The following NELL2 variants were observed in gnomAD, a reference collection of about 807,000 sequenced individuals.
NELL2 encodes protein kinase C-binding protein NELL2.
In NELL2, 41 loss-of-function variants were observed where a neutral mutation model predicts 109.6. That is an observed-to-expected ratio of 0.37 (90% CI 0.29 to 0.49). The LOEUF is 0.49. Ranked by LOEUF, NELL2 falls within the 20% of genes least tolerant of loss-of-function variation. The pLI, the probability that NELL2 is intolerant of heterozygous loss-of-function variation, is 0.98. For missense variants in NELL2, 900 were observed against 1,008.3 expected (o/e 0.89, Z 1.45); for synonymous variants, 355 against 344.7 (o/e 1.03, Z -0.33).
At chr12:44,752,662 A>G (rs1400408708) in intron 9 of NELL2, among the ~76,000 whole-genome samples, 1 of 152,188 alleles carries the variant, frequency 6.6e-6, no homozygotes, top group Non-Finnish European at 1.5e-5. Context: ...TACATTCCCT[A>G]AATACATAAT....
chr12:44,576,986 A>T lies in NELL2; in HGVS notation c.1663+30183T>A, dbSNP rs1279905063. 9.9e-5 allele frequency among the ~76,000 whole-genome samples: 14 copies of T among 141,048 alleles called. No homozygotes were observed. The East Asian group carries it at 2.3e-3, about 23-fold the overall frequency. The allele number at this position is 141,048 out of a possible 152,430, so 92.5% of individuals were successfully genotyped here. Reference sequence around the variant, plus strand: ...TTGGTTCCAAGTCTTTGCTATTGTGAATAGTGCCGCAATAAACATACGTGT... The same window carrying T: ...TTGGTTCCAAGTCTTTGCTATTGTGTATAGTGCCGCAATAAACATACGTGT... On this transcript the variant is annotated intron_variant, in intron 15 of 19. Transcript: ENST00000429094.
intron 15 of NELL2, among the ~76,000 whole-genome samples, chr12:44,544,601 T>C (rs1236507762): frequency 2.6e-5 from 4 of 152,142 alleles, no homozygotes; most frequent in African/African-American, 9.7e-5. Context: ...TCATTCCAAA[T>C]TCTTCTCTGT....
At chr12:44,558,039 G>A (rs10748398) in intron 15 of NELL2, among the ~76,000 whole-genome samples, 112,184 of 152,026 alleles carry the variant, frequency 0.74, 42,557 homozygotes, top group East Asian at 1. Flanking sequence ...AAATAGAGAC[G>A]GGAAATACAG....
chr12:44,880,114 T>TACACACAC (rs747220208), upstream of NELL2, among the ~76,000 whole-genome samples: 453 of 137,118 alleles, frequency 3.3e-3, 2 homozygotes, highest in Admixed American at 4.7e-3. Context: ...TCAAGAAACA[T>TACACACAC]ACACACACAC....
At chr12:44,909,389 C>T (rs1945754567) in intron 1 of NELL2, among the ~76,000 whole-genome samples, 1 of 150,730 alleles carries the variant, frequency 6.6e-6, no homozygotes, top group South Asian at 2.1e-4. Flanking sequence ...GGAGAAAGAT[C>T]TCTACAAGGA....
intron 13 of NELL2, among the ~76,000 whole-genome samples, chr12:44,650,753 G>GTCTTTCTTTCTT (rs34696718): frequency 2.7e-5 from 4 of 150,452 alleles, no homozygotes; most frequent in Non-Finnish European, 4.4e-5. Flanking sequence ...AGAGGTCTCT[G>GTCTTTCTTTCTT]TCTTTCTTTC....
chr12:44,913,700 A>C, intron 1 of NELL2: 2 of 491,470 alleles, frequency 4.1e-6, no homozygotes, highest in Non-Finnish European at 7.3e-6. Flanking sequence ...CATCAAAACC[A>C]CAGCTGTTTG....
chr12:44,592,885 A>G (rs976316468), intron 15 of NELL2, among the ~76,000 whole-genome samples: 7 of 152,240 alleles, frequency 4.6e-5, no homozygotes, highest in African/African-American at 1.7e-4. Flanking sequence ...AAATAGCCAA[A>G]GCATTTTTAG....
chr12:44,796,180 A>G (rs1232928555), intron 3 of NELL2, among the ~76,000 whole-genome samples: 2 of 152,154 alleles, frequency 1.3e-5, no homozygotes, highest in Non-Finnish European at 2.9e-5. Context: ...TTCTTAGTAA[A>G]GAGTAAGCAC....
intron 1 of NELL2, among the ~76,000 whole-genome samples, chr12:44,905,822 A>G (rs948161807): frequency 1.3e-5 from 2 of 150,522 alleles, no homozygotes; most frequent in Non-Finnish European, 2.9e-5. Context: ...TTATACATAT[A>G]TTCATTTAAT....
rs772126119 is a variant in NELL2, at chr12:44,777,070, T to C, written c.734A>G (p.Gln245Arg). Residue 245 changes from glutamine (Q) to arginine (R), a missense_variant, in exon 7 of 20, where the codon CAG (glutamine) becomes CGG (arginine). This residue lies in a region of NELL2 where 75 missense variants were observed against 118.9 expected (regional missense o/e 0.63). Transcript: ENST00000429094. Reference protein sequence around the residue: ...HGLVQKIMELQDILAKTSAKL... With the variant: ...HGLVQKIMELRDILAKTSAKL... Reference sequence around the variant, plus strand: ...GGCTGATGTTTTGGCTAAAATATCCTGTAGCTCCATGATTTTCTGCACAAG... The same window carrying C: ...GGCTGATGTTTTGGCTAAAATATCCCGTAGCTCCATGATTTTCTGCACAAG... The C allele has an allele frequency of 6.2e-7, 1 of 1,614,088 alleles. No homozygotes were observed. Among genetic ancestry groups the C allele is most frequent in the Admixed American group, 1.7e-5 (1 of 60,022 alleles).
At chr12:44,642,922 G>A (rs558718100) in intron 13 of NELL2, among the ~76,000 whole-genome samples, 2 of 152,180 alleles carry the variant, frequency 1.3e-5, no homozygotes, top group South Asian at 2.1e-4. Flanking sequence ...GTTAGATCTC[G>A]TGTTATGTGT....
intron 13 of NELL2, among the ~76,000 whole-genome samples, chr12:44,613,417 T>C (rs1336818512): frequency 6.6e-6 from 1 of 152,102 alleles, no homozygotes; most frequent in African/African-American, 2.4e-5. Flanking sequence ...ACTACTTCCT[T>C]TGCCATCATT....
At chr12:44,676,767 G>C (rs1388770611) in intron 12 of NELL2, among the ~76,000 whole-genome samples, 2 of 152,042 alleles carry the variant, frequency 1.3e-5, no homozygotes, top group Non-Finnish European at 2.9e-5. Context: ...ACAGGGTTGA[G>C]AGTGTATCAT....
chr12:44,694,505 T>C (rs1948993071), intron 12 of NELL2, among the ~76,000 whole-genome samples: 1 of 133,076 alleles, frequency 7.5e-6, no homozygotes, highest in Non-Finnish European at 1.6e-5. Context: ...GTATATAATA[T>C]ACAACACACA....
intron 2 of NELL2, among the ~76,000 whole-genome samples, chr12:44,828,598 A>G: frequency 6.6e-6 from 1 of 152,220 alleles, no homozygotes; most frequent in South Asian, 2.1e-4. Flanking sequence ...GCATTAATCA[A>G]CTAATCAAAC....
intron 2 of NELL2, among the ~76,000 whole-genome samples, chr12:44,862,706 A>C (rs2136810520): frequency 1.3e-5 from 2 of 152,296 alleles, no homozygotes; most frequent in East Asian, 1.9e-4. Context: ...TTTAGAAAAA[A>C]CACAAATTCT....
chr12:44,903,735 G>T (rs1377631332), intron 1 of NELL2, among the ~76,000 whole-genome samples: 2 of 152,112 alleles, frequency 1.3e-5, no homozygotes, highest in African/African-American at 4.8e-5. Context: ...CATGTCCTTT[G>T]CAGGGACATG....
At chr12:44,606,573 T>C (rs1945409881) in intron 15 of NELL2, among the ~76,000 whole-genome samples, 1 of 152,152 alleles carries the variant, frequency 6.6e-6, no homozygotes, top group South Asian at 2.1e-4. Flanking sequence ...TACTTTAGGG[T>C]TATAAGTTAT....
Sources: gnomAD v4.1 joint callset for allele counts (sites outside exome capture counted in the v4.1 genomes callset) on GRCh38, gnomAD v4.1.1 for gene constraint, gnomAD v4.1.1 regional missense constraint, MANE v1.5 for transcripts, NCBI Gene and HGNC (gene_info 2026-07-23, HGNC 2026-07-21) for gene names.